COL5A2: variants seen among roughly 807,000 people sequenced by gnomAD.
The protein encoded by COL5A2 is collagen type V alpha 2 chain.
Under a neutral mutation model 208.2 loss-of-function variants are expected in COL5A2, and 23 were observed. That is an observed-to-expected ratio of 0.11 (90% CI 0.08 to 0.16). The LOEUF is 0.16. Ranked by LOEUF, COL5A2 falls within the 10% of genes least tolerant of loss-of-function variation. COL5A2 has a pLI of 1.00. For missense variants in COL5A2, 1,590 were observed against 1,956.4 expected (o/e 0.81, Z 3.53); for synonymous variants, 625 against 628.5 (o/e 0.99, Z 0.08).
chr2:189,401,666 T>C, the COL5A2 span, among the ~76,000 whole-genome samples: 2 of 152,214 alleles, frequency 1.3e-5, no homozygotes, highest in Non-Finnish European at 1.5e-5. Context: ...GTTTAACTAA[T>C]TTACACTCCC....
chr2:189,325,182 G>A, the COL5A2 span, among the ~76,000 whole-genome samples: 3 of 152,044 alleles, frequency 2.0e-5, no homozygotes, highest in African/African-American at 7.2e-5. Context: ...TGGGGGAAGG[G>A]GGAGGGATAG....
At chr2:189,148,608 G>A (rs1383417525) in intron 1 of COL5A2, among the ~76,000 whole-genome samples, 1 of 152,148 alleles carries the variant, frequency 6.6e-6, no homozygotes, top group Admixed American at 6.5e-5. Context: ...AGTCCATATT[G>A]CCCTCCAATA....
intron 23 of COL5A2, among the ~76,000 whole-genome samples, chr2:189,065,482 TG>T (rs1404627432): frequency 6.6e-6 from 1 of 151,578 alleles, no homozygotes; most frequent in Non-Finnish European, 1.5e-5. Context: ...TGAGCCAAGA[TG>T]GTGCCACTGC....
At chr2:189,087,470 T>G (rs534296634) in intron 8 of COL5A2, among the ~76,000 whole-genome samples, 6 of 152,096 alleles carry the variant, frequency 3.9e-5, no homozygotes, top group African/African-American at 1.4e-4. Flanking sequence ...TTATTCTTTT[T>G]GGATTTTTTT....
chr2:189,110,524 G>A, intron 1 of COL5A2, 75 bp from the exon 2 acceptor site: 1 of 1,417,752 alleles, frequency 7.1e-7, no homozygotes, highest in Non-Finnish European at 9.8e-7. Flanking sequence ...GAGCCATCTT[G>A]TGGATTCTAA....
the COL5A2 span, among the ~76,000 whole-genome samples, chr2:189,413,177 C>A: frequency 6.6e-6 from 1 of 152,098 alleles, no homozygotes; most frequent in Non-Finnish European, 1.5e-5. Context: ...TATTGCCAGA[C>A]CAAGAAGCCT....
chr2:189,395,698 G>A, the COL5A2 span, among the ~76,000 whole-genome samples: 1 of 151,660 alleles, frequency 6.6e-6, no homozygotes, highest in Non-Finnish European at 1.5e-5. Flanking sequence ...GAGGTCAGGA[G>A]TTCGAAATCA....
At chr2:189,268,763 T>C in the COL5A2 span, among the ~76,000 whole-genome samples, 20 of 152,244 alleles carry the variant, frequency 1.3e-4, no homozygotes, top group African/African-American at 4.6e-4. Flanking sequence ...ATTAAACTCT[T>C]TATTAAAATA....
the COL5A2 span, among the ~76,000 whole-genome samples, chr2:189,240,669 C>A: frequency 6.6e-6 from 1 of 152,158 alleles, no homozygotes; most frequent in African/African-American, 2.4e-5. Flanking sequence ...CTTGTGATTG[C>A]CTGATCCATG....
the COL5A2 span, among the ~76,000 whole-genome samples, chr2:189,331,658 A>G: frequency 1.3e-5 from 2 of 152,134 alleles, no homozygotes; most frequent in Non-Finnish European, 1.5e-5. Context: ...ATGTGGAACT[A>G]TAAGTCCATT....
chr2:189,048,186 A>G (rs1036823161), intron 45 of COL5A2, 23 bp downstream of exon 45: 5 of 1,610,126 alleles, frequency 3.1e-6, no homozygotes, highest in Non-Finnish European at 4.3e-6. Flanking sequence ...TTTAGATTTT[A>G]TAATAAGTGA....
the COL5A2 span, among the ~76,000 whole-genome samples, chr2:189,266,901 T>G: frequency 2.6e-5 from 4 of 151,942 alleles, no homozygotes; most frequent in South Asian, 8.3e-4. Context: ...TAGGTACATA[T>G]ATGCAAAAAT....
chr2:189,138,070 G>A (rs549634872), intron 1 of COL5A2, among the ~76,000 whole-genome samples: 22 of 152,162 alleles, frequency 1.4e-4, no homozygotes, highest in African/African-American at 5.3e-4. Flanking sequence ...TGCCTCCCAG[G>A]TTCAAGCAAT....
At chr2:189,312,953 C>T in the COL5A2 span, among the ~76,000 whole-genome samples, 1 of 151,378 alleles carries the variant, frequency 6.6e-6, no homozygotes, top group Non-Finnish European at 1.5e-5. Flanking sequence ...AGATTCAGCA[C>T]AAGAACGCTG....
At chr2:189,278,316 G>A in the COL5A2 span, among the ~76,000 whole-genome samples, 1 of 152,060 alleles carries the variant, frequency 6.6e-6, no homozygotes, top group African/African-American at 2.4e-5. Flanking sequence ...AATTACGGTA[G>A]ATATTTTCAT....
chr2:189,106,858 G>T (rs1464571456), intron 2 of COL5A2, among the ~76,000 whole-genome samples: 3 of 151,218 alleles, frequency 2.0e-5, no homozygotes, highest in African/African-American at 7.3e-5. Context: ...TCTCTTCATA[G>T]ATCTGTTAAG....
chr2:189,145,308 T>C (rs1009930032), intron 1 of COL5A2, among the ~76,000 whole-genome samples: 3 of 152,170 alleles, frequency 2.0e-5, no homozygotes, highest in African/African-American at 7.2e-5. Context: ...GATACATTTC[T>C]TGACCATCTC....
chr2:189,278,559 A>T, the COL5A2 span, among the ~76,000 whole-genome samples: 21 of 152,196 alleles, frequency 1.4e-4, 1 homozygote, highest in African/African-American at 4.6e-4. Context: ...CTTAAAATCC[A>T]TTATAAAGAG....
intron 17 of COL5A2, among the ~76,000 whole-genome samples, 167 bp from the exon 18 acceptor site, chr2:189,072,260 A>T (rs905030571): frequency 3.9e-5 from 6 of 152,212 alleles, no homozygotes; most frequent in Non-Finnish European, 7.3e-5. Context: ...TACCTTCAAC[A>T]TCAATCTAAA....
Sources: gnomAD v4.1 joint callset for allele counts (sites outside exome capture counted in the v4.1 genomes callset) on GRCh38, gnomAD v4.1.1 for gene constraint, MANE v1.5 for transcripts, NCBI Gene and HGNC (gene_info 2026-07-23, HGNC 2026-07-21) for gene names.